The following ST6GALNAC3 variants were observed in gnomAD, a reference collection of about 807,000 sequenced individuals.
The protein encoded by ST6GALNAC3 is alpha-N-acetylgalactosaminide alpha-2,6-sialyltransferase 3.
ST6GALNAC3 carries 25 observed loss-of-function variants against 32.7 expected under a neutral mutation model. The observed-to-expected ratio is 0.76, with a 90% confidence interval of 0.56 to 1.07. The LOEUF (loss-of-function observed/expected upper bound fraction) is 1.07, where lower values mean the gene tolerates loss of function less well. Among genes scored for constraint, ST6GALNAC3 ranks in the 50% least tolerant of loss-of-function variants. The probability of loss-of-function intolerance (pLI) is 0.00; values close to 1 mark genes in which losing one functional copy is unlikely to be tolerated. For synonymous variants in ST6GALNAC3, 129 were observed against 133.1 expected (o/e 0.97, Z 0.21); for missense variants, 355 against 382.4 (o/e 0.93, Z 0.60).
intron 3 of ST6GALNAC3, among the ~76,000 whole-genome samples, chr1:76,459,740 C>T (rs1658150086): frequency 6.6e-6 from 1 of 152,094 alleles, no homozygotes; most frequent in Admixed American, 6.6e-5. Flanking sequence ...TGGAATCATA[C>T]AATAAGTGGA....
At chr1:76,155,188 C>G (rs1557658996) in intron 1 of ST6GALNAC3, among the ~76,000 whole-genome samples, 1 of 152,126 alleles carries the variant, frequency 6.6e-6, no homozygotes, top group Non-Finnish European at 1.5e-5. Context: ...GTGACCAGCA[C>G]AGTGACAGTT....
chr1:76,357,226 C>T (rs181175456), intron 2 of ST6GALNAC3, among the ~76,000 whole-genome samples: 203 of 151,200 alleles, frequency 1.3e-3, no homozygotes, highest in African/African-American at 4.7e-3. Context: ...CCTCCGCCTC[C>T]TGGGTTCAAG....
intron 3 of ST6GALNAC3, among the ~76,000 whole-genome samples, chr1:76,552,863 A>G (rs1664718366): frequency 6.6e-6 from 1 of 152,260 alleles, no homozygotes; most frequent in African/African-American, 2.4e-5. Context: ...GATTCTTGCT[A>G]TCGGTTTTTG....
chr1:76,531,631 T>C (rs1200810062), intron 3 of ST6GALNAC3, among the ~76,000 whole-genome samples: 1 of 152,168 alleles, frequency 6.6e-6, no homozygotes, highest in East Asian at 1.9e-4. Flanking sequence ...GAGAATGTGA[T>C]TTGCCTCATT....
chr1:76,372,948 T>C (rs1432092206), intron 2 of ST6GALNAC3, among the ~76,000 whole-genome samples: 1 of 152,106 alleles, frequency 6.6e-6, no homozygotes, highest in Non-Finnish European at 1.5e-5. Flanking sequence ...TAAAATATTT[T>C]TTTTAATTTT....
chr1:76,545,361 C>G (rs1350409058), intron 3 of ST6GALNAC3, among the ~76,000 whole-genome samples: 1 of 152,128 alleles, frequency 6.6e-6, no homozygotes, highest in African/African-American at 2.4e-5. Context: ...AACACACTTG[C>G]ATAAATATCG....
intron 3 of ST6GALNAC3, among the ~76,000 whole-genome samples, chr1:76,584,804 CA>C (rs1175941512): frequency 6.6e-6 from 1 of 152,196 alleles, no homozygotes; most frequent in Non-Finnish European, 1.5e-5. Flanking sequence ...TGAGCTTTCT[CA>C]AAGGCCAATT....
chr1:76,140,601 G>T (rs967097879), intron 1 of ST6GALNAC3, among the ~76,000 whole-genome samples: 1 of 149,686 alleles, frequency 6.7e-6, no homozygotes, highest in Non-Finnish European at 1.5e-5. Context: ...AAAGACTGGG[G>T]CTCTTTCTTT....
chr1:76,626,094 AAGC>A (rs1033655592), intron 3 of ST6GALNAC3, among the ~76,000 whole-genome samples: 2 of 151,866 alleles, frequency 1.3e-5, no homozygotes, highest in African/African-American at 2.4e-5. Context: ...TGTTAAAAAG[AAGC>A]AGCAGCAGCA....
intron 3 of ST6GALNAC3, among the ~76,000 whole-genome samples, chr1:76,606,573 G>A (rs1647561930): frequency 6.6e-6 from 1 of 152,084 alleles, no homozygotes; most frequent in Non-Finnish European, 1.5e-5. Context: ...GAGGGTGGAG[G>A]GGGAGGAGGG....
At chr1:76,151,191 T>C (rs1486549113) in intron 1 of ST6GALNAC3, among the ~76,000 whole-genome samples, 2 of 152,122 alleles carry the variant, frequency 1.3e-5, no homozygotes, top group African/African-American at 4.8e-5. Context: ...TGGTGGTTCC[T>C]AGGTGAGAAT....
At chr1:76,325,837 T>A (rs1196165917) in intron 2 of ST6GALNAC3, among the ~76,000 whole-genome samples, 2 of 151,552 alleles carry the variant, frequency 1.3e-5, no homozygotes, top group Non-Finnish European at 2.9e-5. Flanking sequence ...TTATTTTGTT[T>A]CATTGATCAA....
chr1:76,373,280 G>A (rs969953982), intron 2 of ST6GALNAC3, among the ~76,000 whole-genome samples: 19 of 152,258 alleles, frequency 1.2e-4, no homozygotes, highest in African/African-American at 4.1e-4. Flanking sequence ...GGGGCATGTC[G>A]CTTGACCTTG....
chr1:76,169,280 A>G (rs1652322134), intron 1 of ST6GALNAC3, among the ~76,000 whole-genome samples: 1 of 152,076 alleles, frequency 6.6e-6, no homozygotes, highest in Admixed American at 6.6e-5. Flanking sequence ...TTGACCCCCA[A>G]TCTCTTTTGG....
chr1:76,214,344 T>A (rs978831573), intron 1 of ST6GALNAC3, among the ~76,000 whole-genome samples: 3 of 152,154 alleles, frequency 2.0e-5, no homozygotes, highest in Non-Finnish European at 4.4e-5. Flanking sequence ...CATCTTTTCA[T>A]GATGCAATAC....
chr1:76,327,859 G>T (rs1454244553), intron 2 of ST6GALNAC3, among the ~76,000 whole-genome samples: 1 of 152,042 alleles, frequency 6.6e-6, no homozygotes, highest in Non-Finnish European at 1.5e-5. Flanking sequence ...CAAAGTGTTG[G>T]GATTACAGGC....
intron 1 of ST6GALNAC3, among the ~76,000 whole-genome samples, chr1:76,131,776 G>A (rs1649625872): frequency 6.6e-6 from 1 of 152,162 alleles, no homozygotes; most frequent in Non-Finnish European, 1.5e-5. Context: ...ATGGATAGGG[G>A]CTTGGGCAAT....
intron 1 of ST6GALNAC3, among the ~76,000 whole-genome samples, chr1:76,113,981 C>T (rs1488436033): frequency 4.0e-5 from 6 of 150,534 alleles, no homozygotes; most frequent in African/African-American, 7.4e-5. Flanking sequence ...CCTGCCACCA[C>T]GCCCGGCTAA....
intron 1 of ST6GALNAC3, among the ~76,000 whole-genome samples, chr1:76,260,022 A>G (rs1447345801): frequency 2.6e-5 from 4 of 151,972 alleles, no homozygotes; most frequent in Non-Finnish European, 5.9e-5. Context: ...TTCTGACTGA[A>G]GCATGGAATA....
Sources: allele counts gnomAD v4.1 joint callset (sites outside exome capture counted in the v4.1 genomes callset), GRCh38; gene constraint gnomAD v4.1.1; transcripts MANE v1.5; gene names NCBI Gene and HGNC (gene_info 2026-07-23, HGNC 2026-07-21).